GALNT9: variants seen among roughly 807,000 people sequenced by gnomAD.
GALNT9 encodes the protein GalNAc transferase 9.
A neutral mutation model predicts 63.1 loss-of-function variants in GALNT9; 47 were observed. The observed-to-expected ratio is 0.75, with a 90% CI of 0.59 to 0.95. GALNT9 has a LOEUF of 0.95. GALNT9 is among the 40% of genes least tolerant of loss of function. GALNT9 has a pLI of 0.00. For missense variants in GALNT9, 829 were observed against 874.8 expected, an observed-to-expected ratio of 0.95 and a Z score of 0.66; for synonymous variants, 396 against 365.7, an observed-to-expected ratio of 1.08 and a Z score of -0.94.
At chr12:132,295,241 G>A (rs897375431) in intron 1 of GALNT9, among the ~76,000 whole-genome samples, 15 of 152,246 alleles carry the variant, frequency 9.9e-5, no homozygotes, top group Admixed American at 2.0e-4. Flanking sequence ...TGGCTTCCCC[G>A]ACAGCCCCAT....
chr12:132,262,313 A>T, intron 3 of GALNT9, 146 bp downstream of exon 3: 1 of 1,114,006 alleles, frequency 9.0e-7, no homozygotes, highest in Non-Finnish European at 1.2e-6. Context: ...GGAAGGCAGG[A>T]GGGACCCCCA....
At chr12:132,247,476 G>C (rs1878744487) in intron 6 of GALNT9, 1 of 392,550 alleles carries the variant, frequency 2.5e-6, no homozygotes, top group Non-Finnish European at 5.2e-6. Context: ...TGGGAGCCTT[G>C]GCCGCCCAGC....
intron 1 of GALNT9, among the ~76,000 whole-genome samples, chr12:132,313,958 C>A (rs2135586135): frequency 8.2e-6 from 1 of 121,746 alleles, no homozygotes; most frequent in Non-Finnish European, 1.7e-5. Flanking sequence ...ACCCATCCAT[C>A]CACCCATCCA....
intron 2 of GALNT9, chr12:132,278,504 C>G (rs1335550115): frequency 1.3e-5 from 2 of 152,338 alleles, no homozygotes; most frequent in Non-Finnish European, 2.9e-5. Context: ...GACCCGGACC[C>G]CACTGTCCCC....
chr12:132,202,444 C>G (rs1036392238), intron 7 of GALNT9, among the ~76,000 whole-genome samples: 1 of 152,206 alleles, frequency 6.6e-6, no homozygotes, highest in African/African-American at 2.4e-5. Flanking sequence ...ATGGTCCAGC[C>G]CGGGGCCACT....
At chr12:132,318,364 G>A (rs978634617) in intron 1 of GALNT9, among the ~76,000 whole-genome samples, 4 of 152,188 alleles carry the variant, frequency 2.6e-5, no homozygotes, top group Non-Finnish European at 4.4e-5. Context: ...GTGGGTGCTC[G>A]GGGAACCCAC....
intron 5 of GALNT9, among the ~76,000 whole-genome samples, chr12:132,255,868 G>A (rs1879089332): frequency 6.6e-6 from 1 of 152,110 alleles, no homozygotes; most frequent in African/African-American, 2.4e-5. Flanking sequence ...TCTTCACGCT[G>A]GGTGTCCACC....
intron 6 of GALNT9, chr12:132,240,474 C>A (rs2136898279): frequency 3.0e-4 from 116 of 383,394 alleles, no homozygotes; most frequent in Non-Finnish European, 5.3e-4. Context: ...GCAAGAATAG[C>A]CGTGCCCAGC....
Position 132,329,453 on chromosome 12 carries a change from C to T in GALNT9, c.-250G>A. The T allele has an allele frequency of 4.1e-6, 1 of 246,472 alleles. No individual in the cohort carries two copies. The allele number at this position is 246,472 out of a possible 1,614,324, so 15.3% of individuals were successfully genotyped here. A position where few individuals can be genotyped will look rare whatever the true frequency, so the allele number is the denominator to read the frequency against. On this transcript the variant is annotated 5_prime_UTR_variant, in exon 1 of 11. Transcript: ENST00000328957. ...GCCGGCATCCCCCGCTCAGAGGGCG[C>T]GGCCCCGCCCCGGGGAGCGGTGAGG...
chr12:132,198,443 G>GGGC (rs1875716134), intron 9 of GALNT9, among the ~76,000 whole-genome samples: 5 of 99,284 alleles, frequency 5.0e-5, no homozygotes, highest in South Asian at 2.9e-4. Context: ...TGGGGCTGGG[G>GGGC]CTGGGCCTGG....
rs1868502229 is a variant in GALNT9 at position 132,316,211 on chromosome 12, A to C, written c.238+12755T>G. On this transcript the variant is annotated intron_variant, in intron 1 of 10. Coordinates refer to ENST00000328957, the MANE Select transcript of GALNT9 (RefSeq NM_001122636.2). This position sits in a 1 kb window ranked among gnomAD's most constrained non-coding sequence, Gnocchi z 4.3. The stretch of plus-strand genomic sequence containing the variant: ...GGCTCGGCTCTCCAGCAGAGGCATG[A>C]AGCTGGATCACAGTCAGTGCCTGCC... Among the ~76,000 whole-genome samples, 3 of 152,006 alleles carry C rather than the reference A, an allele frequency of 2.0e-5. No homozygotes were observed. The highest frequency in any genetic ancestry group is 4.4e-5 in the Non-Finnish European group (3 of 67,988).
intron 1 of GALNT9, among the ~76,000 whole-genome samples, chr12:132,303,403 A>G (rs1225791781): frequency 2.7e-5 from 4 of 146,532 alleles, no homozygotes; most frequent in African/African-American, 1.0e-4. Context: ...TCGCCCGGGC[A>G]CACCCTCACC....
intron 6 of GALNT9, among the ~76,000 whole-genome samples, chr12:132,209,701 C>G (rs1876873322): frequency 6.6e-6 from 1 of 152,166 alleles, no homozygotes; most frequent in African/African-American, 2.4e-5. Context: ...CAAGACAGTT[C>G]ACAGATGCCA....
At chr12:132,228,746 C>T (rs911649628) in intron 6 of GALNT9, among the ~76,000 whole-genome samples, 2,031 of 152,226 alleles carry the variant, frequency 0.013, 40 homozygotes, top group African/African-American at 0.047. Context: ...AGACAGAGAG[C>T]AAACGATTTC....
Position 132,315,736 on chromosome 12 carries a change from G to A in GALNT9, c.238+13230C>T, listed in dbSNP as rs1195947100. ...ACACTCAGCCCTGGTGTCCTTGCGG[G>A]AACACAGGGTCCAGAGACGGCCTTC... On this transcript the variant is annotated intron_variant, in intron 1 of 10. Transcript: ENST00000328957. This position sits in a 1 kb window ranked among gnomAD's most constrained non-coding sequence, Gnocchi z 6.1. Among the ~76,000 whole-genome samples, 2 of 152,194 alleles carry A rather than the reference G, an allele frequency of 1.3e-5. No individual in the cohort carries two copies. The highest frequency in any genetic ancestry group is 2.1e-4 in the South Asian group (1 of 4,828).
intron 1 of GALNT9, among the ~76,000 whole-genome samples, chr12:132,290,288 G>T (rs1880756648): frequency 1.3e-5 from 2 of 152,156 alleles, no homozygotes; most frequent in South Asian, 2.1e-4. Context: ...CCCAGCCTGG[G>T]CCCTAGGACA....
Position 132,286,441 on chromosome 12 carries a change from G to A in GALNT9, c.239-11C>T, listed in dbSNP as rs1381740239. 6.5e-7 allele frequency: 1 copy of A among 1,545,990 alleles called. No individual in the cohort carries two copies. The highest frequency in any genetic ancestry group is 1.4e-5 in the African/African-American group (1 of 72,968). On this transcript the variant is annotated splice_polypyrimidine_tract_variant and intron_variant, in intron 1 of 10. Transcript: ENST00000328957. The surrounding 1 kb of genome is among the most constrained non-coding windows in gnomAD (Gnocchi z 7.4). ...TGGGCTTGGCAAGGCCTGGGGGAAA[G>A]GAAGAGAGGGAGGTCAGGCAGGCCC...
intron 1 of GALNT9, among the ~76,000 whole-genome samples, chr12:132,328,224 G>C (rs1401832390): frequency 1.3e-5 from 2 of 152,110 alleles, no homozygotes; most frequent in South Asian, 2.1e-4. Flanking sequence ...GCTGCTCCTC[G>C]GGCTGACCTA....
rs186250916 is a variant in GALNT9 at position 132,296,049 on chromosome 12, C to G, written c.239-9619G>C. The stretch of plus-strand genomic sequence containing the variant: ...GGGAGAGCCTCCAGAACAGGGAGAG[C>G]CTCTGAACAGGGAGAGGCTCCGGAA... On this transcript the variant is annotated intron_variant, in intron 1 of 10. Coordinates refer to ENST00000328957, the MANE Select transcript of GALNT9 (RefSeq NM_001122636.2). This position sits in a 1 kb window ranked among gnomAD's most constrained non-coding sequence, Gnocchi z 4.2. Among the ~76,000 whole-genome samples, 1 of 144,128 alleles carries G rather than the reference C, an allele frequency of 6.9e-6. No individual in the cohort carries two copies. The highest frequency in any genetic ancestry group is 1.5e-5 in the Non-Finnish European group (1 of 65,652). The allele number at this position is 144,128 out of a possible 152,430, so 94.6% of individuals were successfully genotyped here.
Sources: allele counts gnomAD v4.1 joint callset (sites outside exome capture counted in the v4.1 genomes callset), GRCh38; gene constraint gnomAD v4.1.1; non-coding constraint Gnocchi (gnomAD v3.1); transcripts MANE v1.5; gene names NCBI Gene and HGNC (gene_info 2026-07-23, HGNC 2026-07-21).